LRMDA: variants seen among roughly 807,000 people sequenced by gnomAD.
LRMDA encodes the protein leucine-rich melanocyte differentiation-associated protein.
In LRMDA, 18 loss-of-function variants were observed where a neutral mutation model predicts 29.8. The ratio of observed to expected loss-of-function variants is 0.60; its 90% CI spans 0.42 to 0.90. The LOEUF (loss-of-function observed/expected upper bound fraction) is 0.90, where lower values mean the gene tolerates loss of function less well. LRMDA is among the 40% of genes least tolerant of loss of function. The probability of loss-of-function intolerance (pLI) is 0.00; values close to 1 mark genes in which losing one functional copy is unlikely to be tolerated. For missense variants in LRMDA, 273 were observed against 273.9 expected (o/e 1.00, Z 0.02); for synonymous variants, 125 against 109.4 (o/e 1.14, Z -0.89).
chr10:75,723,076 T>G (rs2079016575), intron 2 of LRMDA, among the ~76,000 whole-genome samples: 1 of 152,234 alleles, frequency 6.6e-6, no homozygotes, highest in Non-Finnish European at 1.5e-5. Flanking sequence ...AACTCTACTT[T>G]GTATAGACAA....
intron 2 of LRMDA, among the ~76,000 whole-genome samples, chr10:75,918,005 C>A (rs1458978796): frequency 6.6e-6 from 1 of 151,956 alleles, no homozygotes; most frequent in African/African-American, 2.4e-5. Context: ...CTGGCCATGC[C>A]CATTCCTGAC....
chr10:76,285,995 G>A (rs1222947984), intron 5 of LRMDA, among the ~76,000 whole-genome samples: 1 of 152,156 alleles, frequency 6.6e-6, no homozygotes, highest in Non-Finnish European at 1.5e-5. Context: ...ACCTTGCGTT[G>A]AGGCTAAATC....
At chr10:76,340,267 A>G (rs1016430798) in intron 6 of LRMDA, among the ~76,000 whole-genome samples, 1 of 152,044 alleles carries the variant, frequency 6.6e-6, no homozygotes, top group African/African-American at 2.4e-5. Flanking sequence ...TGTAACCCCA[A>G]CACTTTCGGA....
chr10:75,693,063 CT>C (rs1177116505), intron 2 of LRMDA, among the ~76,000 whole-genome samples: 1 of 152,150 alleles, frequency 6.6e-6, no homozygotes, highest in Non-Finnish European at 1.5e-5. Flanking sequence ...CCATTCTAGT[CT>C]TTGCCCATCA....
intron 6 of LRMDA, among the ~76,000 whole-genome samples, chr10:76,331,327 C>G (rs1840902419): frequency 6.6e-6 from 1 of 152,128 alleles, no homozygotes; most frequent in African/African-American, 2.4e-5. Context: ...GGTTCTGGAG[C>G]CTTTGCCACA....
At chr10:76,216,585 C>T (rs966893730) in intron 5 of LRMDA, among the ~76,000 whole-genome samples, 2 of 151,832 alleles carry the variant, frequency 1.3e-5, no homozygotes, top group Admixed American at 6.6e-5. Context: ...ACATTAGTGA[C>T]TAGGGAATTA....
chr10:76,028,609 G>A (rs1407246711), intron 2 of LRMDA, among the ~76,000 whole-genome samples: 3 of 151,784 alleles, frequency 2.0e-5, no homozygotes, highest in East Asian at 3.9e-4. Flanking sequence ...CCTTAACCAA[G>A]CCACTGGCAA....
intron 5 of LRMDA, among the ~76,000 whole-genome samples, chr10:76,163,148 A>G (rs1564671837): frequency 6.6e-6 from 1 of 152,182 alleles, no homozygotes; most frequent in Non-Finnish European, 1.5e-5. Context: ...TAACTATATC[A>G]AAGAAAAGAC....
At chr10:76,169,241 C>T (rs868458255) in intron 5 of LRMDA, among the ~76,000 whole-genome samples, 1 of 152,164 alleles carries the variant, frequency 6.6e-6, no homozygotes, top group South Asian at 2.1e-4. Flanking sequence ...CCATTCATTC[C>T]ACAGTGCTTT....
At chr10:76,385,292 T>C (rs1841646078) in intron 6 of LRMDA, among the ~76,000 whole-genome samples, 1 of 152,194 alleles carries the variant, frequency 6.6e-6, no homozygotes, top group African/African-American at 2.4e-5. Context: ...CAATCGAGTG[T>C]ACTCTATTTC....
intron 5 of LRMDA, among the ~76,000 whole-genome samples, chr10:76,289,405 C>G (rs1486712796): frequency 6.6e-6 from 1 of 152,024 alleles, no homozygotes; most frequent in Non-Finnish European, 1.5e-5. Flanking sequence ...ATGACTATTT[C>G]CAATGTTATT....
rs1042070672 is a variant in LRMDA at position 75,935,701 on chromosome 10, A to T, written c.132-100307A>T. Among the ~76,000 whole-genome samples, 2 of 152,206 alleles carry T rather than the reference A, an allele frequency of 1.3e-5. 1 individual carries two copies. Among genetic ancestry groups the T allele is most frequent in the East Asian group, 3.9e-4 (2 of 5,182 alleles). ...TTCAGGTTAAAAGGGATGGCAGGGC[A>T]TGAAGGGCTGCAGGTGTGGGTAATT... is the stretch of plus-strand genomic sequence containing the variant. On this transcript the variant is annotated intron_variant, in intron 2 of 6. Transcript: ENST00000611255.
chr10:76,432,276 A>G (rs1234086107), intron 6 of LRMDA, among the ~76,000 whole-genome samples: 1 of 152,072 alleles, frequency 6.6e-6, no homozygotes, highest in African/African-American at 2.4e-5. Flanking sequence ...CTTGCCATAG[A>G]TCTCCACAGA....
At chr10:75,967,766 G>T (rs112254526) in intron 2 of LRMDA, among the ~76,000 whole-genome samples, 2 of 152,004 alleles carry the variant, frequency 1.3e-5, no homozygotes, top group African/African-American at 2.4e-5. Flanking sequence ...GGAGGGAGGC[G>T]GCGGGCAGGG....
At chr10:76,036,561 G>A (rs1848250186) in intron 3 of LRMDA, among the ~76,000 whole-genome samples, 1 of 152,190 alleles carries the variant, frequency 6.6e-6, no homozygotes, top group Non-Finnish European at 1.5e-5. Context: ...TTCCTCTCCT[G>A]GGAGGTTTCT....
At chr10:76,349,602 G>A (rs1841150427) in intron 6 of LRMDA, among the ~76,000 whole-genome samples, 1 of 151,832 alleles carries the variant, frequency 6.6e-6, no homozygotes, top group South Asian at 2.1e-4. Flanking sequence ...CCTAATAATT[G>A]TCTATAAAGA....
At chr10:76,489,236 A>G (rs1185675960) in intron 6 of LRMDA, among the ~76,000 whole-genome samples, 1 of 151,578 alleles carries the variant, frequency 6.6e-6, no homozygotes, top group Non-Finnish European at 1.5e-5. Context: ...TCATGGTTCA[A>G]TTTTGGTAGG....
At chr10:76,119,698 C>T (rs1472692118) in intron 5 of LRMDA, among the ~76,000 whole-genome samples, 1 of 152,088 alleles carries the variant, frequency 6.6e-6, no homozygotes, top group Non-Finnish European at 1.5e-5. Flanking sequence ...CCATGTTTTC[C>T]CAAGGGACTT....
At chr10:75,582,608 G>C (rs564307488) in intron 2 of LRMDA, among the ~76,000 whole-genome samples, 2 of 152,194 alleles carry the variant, frequency 1.3e-5, no homozygotes, top group South Asian at 4.1e-4. Flanking sequence ...TGCCACAAAG[G>C]CCTCTGAAAT....
Sources: gnomAD v4.1 joint callset for allele counts (sites outside exome capture counted in the v4.1 genomes callset) on GRCh38, gnomAD v4.1.1 for gene constraint, MANE v1.5 for transcripts, NCBI Gene and HGNC (gene_info 2026-07-23, HGNC 2026-07-21) for gene names.